Variants in SBF2 observed in about 807,000 individuals in gnomAD.
The protein encoded by SBF2 is myotubularin-related protein 13.
SBF2 carries 112 observed loss-of-function variants against 225.2 expected under a neutral mutation model. That is an observed-to-expected ratio of 0.50 (90% CI 0.43 to 0.58). The LOEUF (loss-of-function observed/expected upper bound fraction) is 0.58, where lower values mean the gene tolerates loss of function less well. Among genes scored for constraint, SBF2 ranks in the 20% least tolerant of loss-of-function variants. The pLI, the probability that SBF2 is intolerant of heterozygous loss-of-function variation, is 0.00. For missense variants in SBF2, 1,996 were observed against 2,206.2 expected (o/e 0.90, Z 1.91); for synonymous variants, 763 against 773.3 (o/e 0.99, Z 0.22).
intron 3 of SBF2, 42 bp downstream of exon 3, chr11:10,042,799 ATGT>A (rs766268656): frequency 1.9e-6 from 3 of 1,604,826 alleles, no homozygotes; most frequent in East Asian, 2.2e-5. Flanking sequence ...ACATTCCTAA[ATGT>A]TGTACCTTCG....
At position 10,046,785 on chromosome 11, in the gene SBF2, GA is replaced by G. The variant is rs1334992381; in HGVS notation, c.142-3805del. ...CAAGTCCTAGTTAACGCAATAAAAT[GA>G]AAAAAATAAAAAGTATATATATTGG... On this transcript the variant is annotated intron_variant, in intron 2 of 39. Transcript: ENST00000256190. 3.1e-5 allele frequency among the ~76,000 whole-genome samples: 4 copies of G among 130,044 alleles called. No individual in the cohort carries two copies. In the South Asian group the frequency reaches 7.2e-4, roughly 23 times the overall value. 85.3% of individuals were successfully genotyped at this position (130,044 alleles called of 152,430 possible). A position where few individuals can be genotyped will look rare whatever the true frequency, so the allele number is the denominator to read the frequency against.
At position 10,055,556 on chromosome 11, in the gene SBF2, C is replaced by T. The variant is rs187344904; in HGVS notation, c.142-12575G>A. Among the ~76,000 whole-genome samples, 863 of 150,542 alleles carry T rather than the reference C, an allele frequency of 5.7e-3. 13 individuals carry two copies. The highest frequency in any genetic ancestry group is 0.02 in the African/African-American group (793 of 40,518). On this transcript the variant is annotated intron_variant, in intron 2 of 39. Transcript: ENST00000256190. ...ACACACACACACACACACACACACA[C>T]ACACACACACACACACCATGGAATA...
chr11:10,114,418 G>A (rs538591131), intron 2 of SBF2, among the ~76,000 whole-genome samples: 1 of 152,150 alleles, frequency 6.6e-6, no homozygotes, highest in Admixed American at 6.5e-5. Flanking sequence ...TTAGGCATAA[G>A]TTGAAGCTTC....
At chr11:10,295,630 T>C (rs1035385261), upstream of SBF2, among the ~76,000 whole-genome samples, 1 of 151,856 alleles carries the variant, frequency 6.6e-6, no homozygotes, top group Admixed American at 6.6e-5. Flanking sequence ...AGCAATCCTC[T>C]CTGTAACTTC....
intron 17 of SBF2, among the ~76,000 whole-genome samples, chr11:9,864,090 G>A (rs749890647): frequency 6.6e-6 from 1 of 152,158 alleles, no homozygotes; most frequent in South Asian, 2.1e-4. Context: ...TGGCCTATAA[G>A]CAATGAGTAT....
chr11:10,086,052 C>T lies in SBF2; in HGVS notation c.142-43071G>A, dbSNP rs565622962. ...GCACACACGTGCATGTGTGCATGCA[C>T]GTGTGTGTGTTCTAACCTGCCTTCT... On this transcript the variant is annotated intron_variant, in intron 2 of 39. Transcript: ENST00000256190. Among the ~76,000 whole-genome samples the T allele has an allele frequency of 4.2e-5, 6 of 142,866 alleles. No homozygotes were observed. In the South Asian group the frequency reaches 1.1e-3, roughly 26 times the overall value. The allele number at this position is 142,866 out of a possible 152,430, so 93.7% of individuals were successfully genotyped here. A position where few individuals can be genotyped will look rare whatever the true frequency, so the allele number is the denominator to read the frequency against.
At chr11:10,219,300 G>A (rs1242714286) in intron 1 of SBF2, among the ~76,000 whole-genome samples, 1 of 152,190 alleles carries the variant, frequency 6.6e-6, no homozygotes, top group African/African-American at 2.4e-5. Flanking sequence ...ACCCTCTGAA[G>A]CCATGGCCTG....
intron 29 of SBF2, among the ~76,000 whole-genome samples, chr11:9,813,859 T>C (rs1027523727): frequency 1.3e-5 from 2 of 151,960 alleles, no homozygotes; most frequent in Non-Finnish European, 2.9e-5. Context: ...GGAGAATCAC[T>C]TGAACCCCGG....
Position 10,303,608 on chromosome 11 carries a change from CG to C in SBF2, n.386+883del, listed in dbSNP as rs1964620053. The C allele has an allele frequency of 6.6e-6, 1 of 152,348 alleles. No homozygotes were observed. The highest frequency in any genetic ancestry group is 2.4e-5 in the African/African-American group (1 of 41,450). The allele number at this position is 152,348 out of a possible 1,614,324, so 9.4% of individuals were successfully genotyped here. ...GGGGACCGGCTCTAAGATGGGGACT[CG>C]AGAGATGGGACATGACTCGCCCACC... On this transcript the variant is annotated intron_variant and non_coding_transcript_variant, in intron 1 of 5. Coordinates refer to the SBF2 transcript ENST00000685217. This position sits in a 1 kb window ranked among gnomAD's most constrained non-coding sequence, Gnocchi z 5.2.
intron 19 of SBF2, 118 bp downstream of exon 19, chr11:9,856,340 T>C: frequency 7.5e-7 from 1 of 1,328,066 alleles, no homozygotes; most frequent in Non-Finnish European, 1.1e-6. Context: ...TGAGGAAAAA[T>C]GGTTAACTTT....
At chr11:10,254,093 A>C (rs1307040572) in intron 1 of SBF2, among the ~76,000 whole-genome samples, 1 of 152,200 alleles carries the variant, frequency 6.6e-6, no homozygotes, top group Non-Finnish European at 1.5e-5. Flanking sequence ...TGCTCAAACA[A>C]TTAAAAATAC....
chr11:9,901,389 C>T (rs1861707342), intron 16 of SBF2, among the ~76,000 whole-genome samples: 1 of 152,102 alleles, frequency 6.6e-6, no homozygotes, highest in African/African-American at 2.4e-5. Context: ...AAATCCTGAG[C>T]CCTACAACCA....
chr11:10,266,991 G>A (rs1962060453), intron 1 of SBF2, among the ~76,000 whole-genome samples: 1 of 152,204 alleles, frequency 6.6e-6, no homozygotes, highest in Non-Finnish European at 1.5e-5. Context: ...CTACTTAGAA[G>A]GCTGAGGCAG....
chr11:9,908,334 G>A (rs370999148), intron 16 of SBF2, among the ~76,000 whole-genome samples: 1 of 152,140 alleles, frequency 6.6e-6, no homozygotes. Flanking sequence ...AATAGAGAAG[G>A]CAGATGGGGG....
At chr11:9,815,613 G>C (rs1393583631) in intron 29 of SBF2, among the ~76,000 whole-genome samples, 1 of 152,178 alleles carries the variant, frequency 6.6e-6, no homozygotes, top group Non-Finnish European at 1.5e-5. Flanking sequence ...TATGTGCAAA[G>C]AGAATGGCAG....
At chr11:9,888,474 A>G (rs1231686066) in intron 17 of SBF2, among the ~76,000 whole-genome samples, 1 of 151,530 alleles carries the variant, frequency 6.6e-6, no homozygotes, top group East Asian at 1.9e-4. Context: ...ACTGTACTCC[A>G]GCTTGGGCAA....
chr11:10,188,595 G>A (rs759791708), intron 2 of SBF2, among the ~76,000 whole-genome samples: 2 of 152,210 alleles, frequency 1.3e-5, no homozygotes, highest in African/African-American at 4.8e-5. Flanking sequence ...GCAGAATTGA[G>A]AGACACTAGT....
At chr11:10,018,253 A>C (rs1409179142) in intron 6 of SBF2, among the ~76,000 whole-genome samples, 1 of 152,124 alleles carries the variant, frequency 6.6e-6, no homozygotes, top group Non-Finnish European at 1.5e-5. Context: ...CTAGGGATGG[A>C]TATAAAGAAA....
chr11:9,808,219 T>C, intron 31 of SBF2, 34 bp from the exon 32 acceptor site: 1 of 1,595,468 alleles, frequency 6.3e-7, no homozygotes, highest in Non-Finnish European at 8.6e-7. Context: ...GTCATTAATT[T>C]TAGTTCTGAA....
Sources: gnomAD v4.1 joint callset for allele counts (sites outside exome capture counted in the v4.1 genomes callset) on GRCh38, gnomAD v4.1.1 for gene constraint, Gnocchi (gnomAD v3.1) non-coding constraint, MANE v1.5 for transcripts, NCBI Gene and HGNC (gene_info 2026-07-23, HGNC 2026-07-21) for gene names.